Variants in ZNF750 observed in about 807,000 individuals in gnomAD.
ZNF750 encodes protein ZNF750.
A neutral mutation model predicts 31.6 loss-of-function variants in ZNF750; 10 were observed. That is an observed-to-expected ratio of 0.32 (90% CI 0.19 to 0.54). ZNF750 has a LOEUF of 0.54. Ranked by LOEUF, ZNF750 falls within the 20% of genes least tolerant of loss-of-function variation. The probability of loss-of-function intolerance (pLI) is 0.95; values close to 1 mark genes in which losing one functional copy is unlikely to be tolerated. For missense variants in ZNF750, 914 were observed against 934.9 expected, an observed-to-expected ratio of 0.98 and a Z score of 0.29; for synonymous variants, 400 against 404.9, an observed-to-expected ratio of 0.99 and a Z score of 0.15.
At chr17:82,839,649 T>C (rs1431704733) in intron 1 of ZNF750, among the ~76,000 whole-genome samples, 1 of 152,260 alleles carries the variant, frequency 6.6e-6, no homozygotes, top group Non-Finnish European at 1.5e-5. Context: ...TATGAATTTG[T>C]GTTGGTTTAA....
chr17:82,831,727 G>C lies in ZNF750; in HGVS notation c.728C>G (p.Pro243Arg), dbSNP rs372681666. 6.2e-7 allele frequency: 1 copy of C among 1,614,008 alleles called. No individual in the cohort carries two copies. Among genetic ancestry groups the C allele is most frequent in the South Asian group, 1.1e-5 (1 of 91,084 alleles). The change falls in exon 2 of 3, where the codon CCG (proline) becomes CGG (arginine). Residue 243 changes from proline to arginine, a missense_variant. By Grantham distance (103) the Pro-to-Arg change is moderately radical (BLOSUM62 -2). Coordinates refer to ENST00000269394, the MANE Select transcript of ZNF750 (RefSeq NM_024702.3). This position sits in a 1 kb window ranked among gnomAD's most constrained non-coding sequence, Gnocchi z 4.6. Reference sequence around the variant, plus strand: ...CCCGTGCTCTGTGTAAAAGTGAGGCGGGTACTCTGGGATTGTGGGGTGCAT... The same window carrying C: ...CCCGTGCTCTGTGTAAAAGTGAGGCCGGTACTCTGGGATTGTGGGGTGCAT... Reference protein sequence around the residue: ...PYMHPTIPEYPPHFYTEHGLA... With the variant: ...PYMHPTIPEYRPHFYTEHGLA...
At chr17:82,836,912 G>T (rs1019923877) in intron 1 of ZNF750, among the ~76,000 whole-genome samples, 6 of 152,164 alleles carry the variant, frequency 3.9e-5, no homozygotes, top group African/African-American at 1.4e-4. Flanking sequence ...TCACGTAAGC[G>T]GGTGTGGCAG....
Position 82,831,665 on chromosome 17 carries a change from T to A in ZNF750, c.790A>T (p.Ser264Cys). The A allele has an allele frequency of 2.5e-6, 4 of 1,614,000 alleles. No homozygotes were observed. The highest frequency in any genetic ancestry group is 3.4e-6 in the Non-Finnish European group (4 of 1,180,004). The change falls in exon 2 of 3, where the codon AGC becomes TGC. Residue 264 changes from serine (S) to cysteine (C), a missense_variant. Transcript: ENST00000269394. This position sits in a 1 kb window ranked among gnomAD's most constrained non-coding sequence, Gnocchi z 4.6. ...AGGGGTGCGTCACACTCAGGCGAGC[T>A]CCCAGCCAGCAGGTAAGGCGAGTAG... ...TIYSPYLLAG[S>C]SPECDAPLLS...
chr17:82,832,787 A>AG lies in ZNF750; in HGVS notation c.-182-152dup, dbSNP rs1357669465. On this transcript the variant is annotated intron_variant, in intron 1 of 2. Coordinates refer to ENST00000269394, the MANE Select transcript of ZNF750 (RefSeq NM_024702.3). This position sits in a 1 kb window ranked among gnomAD's most constrained non-coding sequence, Gnocchi z 4.9. ...CCTGAGGGGAGCAGCTGCCGGTCACAGAAGCAGCCCTGCCCTACCCTTGGT... is the reference window on the plus strand; with the variant it reads ...CCTGAGGGGAGCAGCTGCCGGTCACAGGAAGCAGCCCTGCCCTACCCTTGGT... 6.6e-6 allele frequency among the ~76,000 whole-genome samples: 1 copy of AG among 152,228 alleles called. No homozygotes were observed. The highest frequency in any genetic ancestry group is 2.4e-5 in the African/African-American group (1 of 41,462).
rs756398967 is a variant in ZNF750, at chr17:82,831,872, G to A, written c.583C>T (p.His195Tyr). 1 of 1,614,098 alleles carries A rather than the reference G, an allele frequency of 6.2e-7. No homozygotes were observed. Among genetic ancestry groups the A allele is most frequent in the African/African-American group, 1.3e-5 (1 of 74,942 alleles). Reference protein sequence around the residue: ...HNPTAKAVSFHTKSAFHTPGY... With the variant: ...HNPTAKAVSFYTKSAFHTPGY... ...GGAGTGTGGAAGGCCGACTTGGTGTGGAAAGACACGGCCTTGGCAGTGGGG... is the reference window on the plus strand; with the variant it reads ...GGAGTGTGGAAGGCCGACTTGGTGTAGAAAGACACGGCCTTGGCAGTGGGG... The change falls in exon 2 of 3, where the codon CAC becomes TAC. Residue 195 changes from histidine (H) to tyrosine (Y), a missense_variant. His to Tyr is a moderately conservative substitution (Grantham distance 83, BLOSUM62 2). Transcript: ENST00000269394. The surrounding 1 kb of genome is among the most constrained non-coding windows in gnomAD (Gnocchi z 4.6).
chr17:82,839,013 A>C, intron 1 of ZNF750: 1 of 977,894 alleles, frequency 1.0e-6, no homozygotes, highest in Non-Finnish European at 1.2e-6. Context: ...ATATAAGGAA[A>C]AAAACCCTTT....
Position 82,835,324 on chromosome 17 carries a change from GT to G in ZNF750, c.-182-2689del, listed in dbSNP as rs962945933. ...TCCTCCCACACGCCAGGGGCCAGGG[GT>G]GGTGGCTGGGCTTTCATATGGCTGC... On this transcript the variant is annotated intron_variant, in intron 1 of 2. Coordinates refer to ENST00000269394, the MANE Select transcript of ZNF750 (RefSeq NM_024702.3). The surrounding 1 kb of genome is among the most constrained non-coding windows in gnomAD (Gnocchi z 4.5). Among the ~76,000 whole-genome samples, 1 of 152,220 alleles carries G rather than the reference GT, an allele frequency of 6.6e-6. No individual in the cohort carries two copies. The highest frequency in any genetic ancestry group is 1.5e-5 in the Non-Finnish European group (1 of 68,036).
Position 82,831,018 on chromosome 17 carries a change from C to T in ZNF750, c.1436+1G>A. 6.2e-7 allele frequency: 1 copy of T among 1,614,094 alleles called. No individual in the cohort carries two copies. The highest frequency in any genetic ancestry group is 8.5e-7 in the Non-Finnish European group (1 of 1,180,036). On this transcript the variant is annotated splice_donor_variant, in intron 2 of 2. Transcript: ENST00000269394. LOFTEE classifies it high-confidence loss of function. This position sits in a 1 kb window ranked among gnomAD's most constrained non-coding sequence, Gnocchi z 4.6. ...AGGTTTTGAAAATGACATTTTCTTA[C>T]CTTACTGGAGACTCTGCTGTGGTCT...
Position 82,831,357 on chromosome 17 carries a change from G to T in ZNF750, c.1098C>A (p.Asn366Lys), listed in dbSNP as rs2053493525. 1.5e-5 allele frequency: 25 copies of T among 1,613,996 alleles called. No individual in the cohort carries two copies. Among genetic ancestry groups the T allele is most frequent in the Non-Finnish European group, 2.0e-5 (24 of 1,180,040 alleles). ...VYPASSPSRL[N>K]PSDPNRKHVE... ...CGTGTTTTCTGTTGGGGTCCGAAGG[G>T]TTTAACCTGGAAGGACTCGAGGCTG... Residue 366 changes from asparagine (N) to lysine (K), a missense_variant, in exon 2 of 3, where the codon AAC becomes AAA. By Grantham distance (94) the Asn-to-Lys change is moderately conservative. Around this residue, in one of 2 missense-constraint regions of ZNF750, gnomAD observed 880 missense variants for 868.9 expected, o/e 1.01. Coordinates refer to ENST00000269394, the MANE Select transcript of ZNF750 (RefSeq NM_024702.3). This position sits in a 1 kb window ranked among gnomAD's most constrained non-coding sequence, Gnocchi z 4.6.
chr17:82,839,558 C>T (rs535433804), intron 1 of ZNF750, among the ~76,000 whole-genome samples: 1 of 152,150 alleles, frequency 6.6e-6, no homozygotes, highest in Non-Finnish European at 1.5e-5. Context: ...TGTACATACA[C>T]CACACATATA....
At position 82,830,855 on chromosome 17, in the gene ZNF750, G is replaced by A. The variant is rs769118425; in HGVS notation, c.1459C>T (p.Pro487Ser). The A allele has an allele frequency of 1.2e-6, 2 of 1,612,912 alleles. No individual in the cohort carries two copies. Among genetic ancestry groups the A allele is most frequent in the Non-Finnish European group, 1.7e-6 (2 of 1,180,026 alleles). ...GAGGCGCTTCCGGTCGGAGCAGGAG[G>A]GTCTCCGTTCACAACATTGAGGCTA... ...PVSLNVVNGD[P>S]PAPTGSASLV... The change falls in exon 3 of 3, where the codon CCT becomes TCT. Residue 487 changes from proline to serine, a missense_variant. Pro to Ser is a moderately conservative substitution (Grantham distance 74). This residue lies in a region of ZNF750 where 880 missense variants were observed against 868.9 expected (regional missense o/e 1.01). Transcript: ENST00000269394.
In ZNF750 at chr17:82,832,780, C is replaced by T. The variant is rs780770845; in HGVS notation, c.-182-144G>A. 19 of 428,786 alleles carry T rather than the reference C, an allele frequency of 4.4e-5. No homozygotes were observed. Among genetic ancestry groups the T allele is most frequent in the African/African-American group, 1.0e-4 (5 of 50,122 alleles). The allele number at this position is 428,786 out of a possible 1,614,324, so 26.6% of individuals were successfully genotyped here. A position where few individuals can be genotyped will look rare whatever the true frequency, so the allele number is the denominator to read the frequency against. On this transcript the variant is annotated intron_variant, in intron 1 of 2. Transcript: ENST00000269394. This position sits in a 1 kb window ranked among gnomAD's most constrained non-coding sequence, Gnocchi z 4.9. ...GCCTGCTCCTGAGGGGAGCAGCTGC[C>T]GGTCACAGAAGCAGCCCTGCCCTAC...
rs565075339 is a variant in ZNF750, at chr17:82,835,896, C to T, written c.-182-3260G>A. On this transcript the variant is annotated intron_variant, in intron 1 of 2. Transcript: ENST00000269394. The surrounding 1 kb of genome is among the most constrained non-coding windows in gnomAD (Gnocchi z 4.5). ...ATGAGTTTCTGTGTAGCAGGGACAG[C>T]GAGGCACGGTTTGGATGAGGACAAG... Among the ~76,000 whole-genome samples the T allele has an allele frequency of 3.9e-5, 6 of 152,262 alleles. No homozygotes were observed. The highest frequency in any genetic ancestry group is 2.1e-4 in the South Asian group (1 of 4,816).
chr17:82,830,786 C>T lies in ZNF750; in HGVS notation c.1528G>A (p.Gly510Arg), dbSNP rs775795396. The change falls in exon 3 of 3, where the codon GGG becomes AGG. Residue 510 changes from glycine to arginine, a missense_variant. Transcript: ENST00000269394. ...AAPSSPDDSS[G>R]MGPLNLSKKS... ...TTGGAGAGGTTGAGGGGGCCCATCC[C>T]GGAGCTGTCGTCCGGACTGGAAGGC... The T allele has an allele frequency of 6.8e-6, 11 of 1,613,574 alleles. No homozygotes were observed. The highest frequency in any genetic ancestry group is 6.7e-5 in the Admixed American group (4 of 60,014).
chr17:82,839,542 C>G (rs1598842895), intron 1 of ZNF750, among the ~76,000 whole-genome samples: 1 of 152,044 alleles, frequency 6.6e-6, no homozygotes, highest in African/African-American at 2.4e-5. Context: ...CCTAAATTCA[C>G]CCTAATGTAC....
In ZNF750 at chr17:82,831,753, G is replaced by C; in HGVS notation, c.702C>G (p.Tyr234Ter). ...GGTACTCTGGGATTGTGGGGTGCAT[G>C]TAAGGGGAAATGGCCCCAAGCCCCT... Reference protein sequence around the residue: ...STKGLGAISPYMHPTIPEYPP... With the variant: ...STKGLGAISP The change falls in exon 2 of 3, where the codon TAC becomes TAG. Residue 234 changes from tyrosine (Y) to a stop codon, truncating the protein, a stop_gained. Transcript: ENST00000269394. LOFTEE classifies it high-confidence loss of function. This position sits in a 1 kb window ranked among gnomAD's most constrained non-coding sequence, Gnocchi z 4.6. 6.2e-7 allele frequency: 1 copy of C among 1,614,164 alleles called. No homozygotes were observed. Among genetic ancestry groups the C allele is most frequent in the Non-Finnish European group, 8.5e-7 (1 of 1,180,026 alleles).
In ZNF750 at chr17:82,831,982, C is replaced by T. The variant is rs149980253; in HGVS notation, c.473G>A (p.Arg158Gln). 2.8e-4 allele frequency: 455 copies of T among 1,613,226 alleles called. 3 individuals carry two copies. The African/African-American group carries it at 5.6e-3, about 20-fold the overall frequency. ...GAQPALEGAA[R>Q]PSAFVPVGEH... ...GCCGACTGGAACAAATGCAGAAGGC[C>T]GAGCTGCGCCTTCCAGAGCAGGCTG... The change falls in exon 2 of 3, where the codon CGG (arginine) becomes CAG (glutamine). Residue 158 changes from arginine (R) to glutamine (Q), a missense_variant. By Grantham distance (43) the Arg-to-Gln change is conservative. Around this residue, in one of 2 missense-constraint regions of ZNF750, gnomAD observed 880 missense variants for 868.9 expected, o/e 1.01. Transcript: ENST00000269394. The surrounding 1 kb of genome is among the most constrained non-coding windows in gnomAD (Gnocchi z 4.6).
rs1017017985 is a variant in ZNF750, at chr17:82,830,423, T to G, written c.1891A>C (p.Lys631Gln). 4 of 1,611,786 alleles carry G rather than the reference T, an allele frequency of 2.5e-6. No individual in the cohort carries two copies. The highest frequency in any genetic ancestry group is 3.4e-6 in the Non-Finnish European group (4 of 1,179,918). ...ACAVDSSEEQ[K>Q]QTAAVALCQL... ...CACAGGGCCACGGCTGCCGTCTGCT[T>G]CTGCTCCTCGCTGCTGTCCACCGCG... is the stretch of plus-strand genomic sequence containing the variant. Residue 631 changes from lysine to glutamine, a missense_variant, in exon 3 of 3, where the codon AAG (lysine) becomes CAG (glutamine). Lys to Gln is a moderately conservative substitution (Grantham distance 53, BLOSUM62 1). Coordinates refer to ENST00000269394, the MANE Select transcript of ZNF750 (RefSeq NM_024702.3).
chr17:82,831,663 G>C lies in ZNF750; in HGVS notation c.792C>G (p.Ser264Arg). The change falls in exon 2 of 3, where the codon AGC becomes AGG. Residue 264 changes from serine to arginine, a missense_variant. Ser to Arg is a moderately radical substitution (Grantham distance 110). This residue lies in a region of ZNF750 where 880 missense variants were observed against 868.9 expected (regional missense o/e 1.01). Transcript: ENST00000269394. The surrounding 1 kb of genome is among the most constrained non-coding windows in gnomAD (Gnocchi z 4.6). ...TIYSPYLLAG[S>R]SPECDAPLLS... ...GCAGGGGTGCGTCACACTCAGGCGA[G>C]CTCCCAGCCAGCAGGTAAGGCGAGT... 1 of 1,614,204 alleles carries C rather than the reference G, an allele frequency of 6.2e-7. No individual in the cohort carries two copies.
Sources: allele counts gnomAD v4.1 joint callset (sites outside exome capture counted in the v4.1 genomes callset), GRCh38; gene constraint gnomAD v4.1.1; regional missense constraint gnomAD v4.1.1; non-coding constraint Gnocchi (gnomAD v3.1); transcripts MANE v1.5; gene names NCBI Gene and HGNC (gene_info 2026-07-23, HGNC 2026-07-21).